Variants in EPHB1 observed in about 807,000 individuals in gnomAD.
EPHB1 encodes the protein EPH receptor B1, also known as ephrin type-B receptor 1.
EPHB1 carries 30 observed loss-of-function variants against 94.4 expected under a neutral mutation model. The observed-to-expected ratio is 0.32, with a 90% confidence interval of 0.24 to 0.43. The LOEUF is 0.43. EPHB1 is among the 20% of genes least tolerant of loss of function. The pLI is 1.00. For missense variants in EPHB1, 1,055 were observed against 1,308.3 expected, an observed-to-expected ratio of 0.81 and a Z score of 2.99; for synonymous variants, 522 against 489.1, an observed-to-expected ratio of 1.07 and a Z score of -0.89.
chr3:135,146,471 G>C (rs918322368), intron 5 of EPHB1, among the ~76,000 whole-genome samples: 7 of 152,320 alleles, frequency 4.6e-5, no homozygotes, highest in African/African-American at 1.7e-4. Flanking sequence ...GGAGCATCGG[G>C]GGCTCCTGGG....
intron 1 of EPHB1, among the ~76,000 whole-genome samples, chr3:134,843,240 C>T (rs1235344477): frequency 1.3e-5 from 2 of 152,166 alleles, no homozygotes; most frequent in Non-Finnish European, 2.9e-5. Flanking sequence ...TCCATTGTTT[C>T]CGAAAAGAAG....
At chr3:135,177,292 T>A (rs13095636) in intron 9 of EPHB1, among the ~76,000 whole-genome samples, 28 of 152,302 alleles carry the variant, frequency 1.8e-4, no homozygotes, top group Non-Finnish European at 3.8e-4. Context: ...AGCACAGAAT[T>A]TGGGAGAAGT....
At chr3:135,250,957 C>T (rs1024577807) in intron 15 of EPHB1, among the ~76,000 whole-genome samples, 4 of 152,070 alleles carry the variant, frequency 2.6e-5, no homozygotes, top group Non-Finnish European at 5.9e-5. Flanking sequence ...AGTAGTGATC[C>T]ACCCCTATAG....
chr3:134,947,995 G>C (rs925325291), intron 2 of EPHB1, among the ~76,000 whole-genome samples: 2 of 151,966 alleles, frequency 1.3e-5, no homozygotes, highest in African/African-American at 4.8e-5. Context: ...GGGTCTCTCT[G>C]TGTCACCCAT....
At chr3:134,847,278 C>G (rs1408421752) in intron 1 of EPHB1, among the ~76,000 whole-genome samples, 1 of 152,170 alleles carries the variant, frequency 6.6e-6, no homozygotes, top group African/African-American at 2.4e-5. Context: ...AGCCACTCAC[C>G]CTGAGGCTGG....
chr3:135,176,515 C>G (rs973845847), intron 9 of EPHB1, among the ~76,000 whole-genome samples: 1 of 152,228 alleles, frequency 6.6e-6, no homozygotes, highest in Admixed American at 6.5e-5. Context: ...GCTGTGACAT[C>G]ACATATATGT....
intron 9 of EPHB1, among the ~76,000 whole-genome samples, chr3:135,167,343 T>A: frequency 6.6e-6 from 1 of 152,246 alleles, no homozygotes; most frequent in East Asian, 1.9e-4. Flanking sequence ...TGGAGTTCTC[T>A]ATTAACATCT....
At chr3:135,158,820 A>G (rs1941429043) in intron 6 of EPHB1, among the ~76,000 whole-genome samples, 1 of 152,172 alleles carries the variant, frequency 6.6e-6, no homozygotes, top group South Asian at 2.1e-4. Flanking sequence ...ATCTGCTCTC[A>G]GCTGTCTTAA....
intron 12 of EPHB1, among the ~76,000 whole-genome samples, chr3:135,232,445 C>G (rs954361140): frequency 1.3e-5 from 2 of 152,186 alleles, no homozygotes; most frequent in African/African-American, 4.8e-5. Context: ...GTGCTATACC[C>G]AGGCTGGTCA....
At chr3:134,968,159 A>G (rs548124448) in intron 3 of EPHB1, among the ~76,000 whole-genome samples, 11 of 152,262 alleles carry the variant, frequency 7.2e-5, no homozygotes, top group Non-Finnish European at 1.3e-4. Flanking sequence ...GGGCCTCAGT[A>G]TGTTAAATGA....
intron 9 of EPHB1, 50 bp downstream of exon 9, chr3:135,167,056 C>T: frequency 6.3e-7 from 1 of 1,591,614 alleles, no homozygotes; most frequent in South Asian, 1.1e-5. Context: ...GCCACTGAGT[C>T]AAGTGGGCTA....
chr3:135,097,151 A>T (rs1338650146), intron 3 of EPHB1, among the ~76,000 whole-genome samples: 2 of 141,872 alleles, frequency 1.4e-5, no homozygotes, highest in Non-Finnish European at 1.5e-5. Flanking sequence ...GCTTCAACGT[A>T]TGATTTTTTT....
chr3:135,057,553 A>G (rs1937383012), intron 3 of EPHB1, among the ~76,000 whole-genome samples: 1 of 152,100 alleles, frequency 6.6e-6, no homozygotes, highest in Non-Finnish European at 1.5e-5. Flanking sequence ...AGAGTCAGGC[A>G]GTCTGGGTTC....
At chr3:134,978,070 G>T in intron 3 of EPHB1, 1 of 436,756 alleles carries the variant, frequency 2.3e-6, no homozygotes, top group Non-Finnish European at 4.5e-6. Flanking sequence ...CCCCCTCTGA[G>T]GAAGCAGGTG....
chr3:135,023,352 ATTCT>A (rs1388106758), intron 3 of EPHB1, among the ~76,000 whole-genome samples: 2 of 152,132 alleles, frequency 1.3e-5, no homozygotes, highest in Non-Finnish European at 2.9e-5. Flanking sequence ...GGTCTGAATA[ATTCT>A]TTGTTGTGGG....
intron 1 of EPHB1, among the ~76,000 whole-genome samples, chr3:134,824,239 C>T (rs2108291036): frequency 7.0e-6 from 1 of 142,908 alleles, no homozygotes; most frequent in East Asian, 2.2e-4. Flanking sequence ...TATGGCGTAT[C>T]AGGGTGGAGA....
chr3:134,962,282 T>C (rs1322689816), intron 3 of EPHB1, among the ~76,000 whole-genome samples: 1 of 152,210 alleles, frequency 6.6e-6, no homozygotes, highest in Non-Finnish European at 1.5e-5. Flanking sequence ...TCCAGTAGAA[T>C]GCATTAAGTT....
intron 10 of EPHB1, among the ~76,000 whole-genome samples, chr3:135,191,356 T>C (rs1197279796): frequency 6.6e-6 from 1 of 152,220 alleles, no homozygotes; most frequent in Non-Finnish European, 1.5e-5. Context: ...CCAATCTTTT[T>C]TGCAGCAAGA....
chr3:134,933,549 GA>G (rs562400980), intron 2 of EPHB1, among the ~76,000 whole-genome samples: 22 of 150,522 alleles, frequency 1.5e-4, no homozygotes, highest in African/African-American at 4.6e-4. Flanking sequence ...TGCTAGGTAG[GA>G]AAAAAAAAAT....
Sources: gnomAD v4.1 joint callset for allele counts (sites outside exome capture counted in the v4.1 genomes callset) on GRCh38, gnomAD v4.1.1 for gene constraint, MANE v1.5 for transcripts, NCBI Gene and HGNC (gene_info 2026-07-23, HGNC 2026-07-21) for gene names.